Variants in ZCCHC7 observed in about 807,000 individuals in gnomAD.
The protein encoded by ZCCHC7 is zinc finger CCHC domain-containing protein 7.
Under a neutral mutation model 52.0 loss-of-function variants are expected in ZCCHC7, and 35 were observed. The ratio of observed to expected loss-of-function variants is 0.67; its 90% CI spans 0.51 to 0.89. ZCCHC7 has a LOEUF of 0.89. Among genes scored for constraint, ZCCHC7 ranks in the 40% least tolerant of loss-of-function variants. The pLI is 0.00. For synonymous variants in ZCCHC7, 217 were observed against 221.5 expected (o/e 0.98, Z 0.18); for missense variants, 574 against 649.1 (o/e 0.88, Z 1.26).
intron 2 of ZCCHC7, among the ~76,000 whole-genome samples, chr9:37,212,681 G>A: frequency 6.6e-6 from 1 of 152,154 alleles, no homozygotes; most frequent in Admixed American, 6.5e-5. Context: ...CACCTTGTTG[G>A]ATGAATTGCT....
chr9:37,223,000 C>T (rs1824904713), intron 2 of ZCCHC7, among the ~76,000 whole-genome samples: 1 of 151,954 alleles, frequency 6.6e-6, no homozygotes, highest in Non-Finnish European at 1.5e-5. Flanking sequence ...CATTCGTATA[C>T]ATATATATAT....
At chr9:37,125,827 C>T (rs1010803323) in intron 1 of ZCCHC7, among the ~76,000 whole-genome samples, 8 of 152,130 alleles carry the variant, frequency 5.3e-5, no homozygotes, top group African/African-American at 1.4e-4. Context: ...GACTGTGGTC[C>T]CATAGGATTT....
chr9:37,297,447 T>C (rs1828839958), intron 2 of ZCCHC7, among the ~76,000 whole-genome samples: 1 of 152,238 alleles, frequency 6.6e-6, no homozygotes, highest in Admixed American at 6.5e-5. Flanking sequence ...TGCATTTACA[T>C]TCTTAAATCA....
Position 37,354,473 on chromosome 9 carries a change from G to T in ZCCHC7, c.1084-237G>T, listed in dbSNP as rs553553763. ...GAAAAGGCTGAAAAAAGATACGAAG[G>T]GTTTCATAGGTAAAGAAGTAAGGGA... On this transcript the variant is annotated intron_variant, in intron 7 of 8. Coordinates refer to ENST00000336755, the MANE Select transcript of ZCCHC7 (RefSeq NM_032226.3). The surrounding 1 kb of genome is among the most constrained non-coding windows in gnomAD (Gnocchi z 4.0). 1.3e-5 allele frequency among the ~76,000 whole-genome samples: 2 copies of T among 152,120 alleles called. No individual in the cohort carries two copies. The highest frequency in any genetic ancestry group is 2.9e-5 in the Non-Finnish European group (2 of 68,024).
chr9:37,278,034 G>GTGTCTTTTGTTTTGTTTTGTTTTGTTT (rs74182939), intron 2 of ZCCHC7, among the ~76,000 whole-genome samples: 1 of 142,860 alleles, frequency 7.0e-6, no homozygotes, highest in East Asian at 2.0e-4. Flanking sequence ...GTGTGTGTGT[G>GTGTCTTTTGTTTTGTTTTGTTTTGTTT]TGTTTTGTTT....
rs73450424 is a variant in ZCCHC7, at chr9:37,288,460, A to G, written c.611-13728A>G. Among the ~76,000 whole-genome samples the G allele has an allele frequency of 5.3e-3, 800 of 152,118 alleles. 15 individuals are homozygous for G. Among genetic ancestry groups the G allele is most frequent in the African/African-American group, 0.017 (723 of 41,460 alleles). On this transcript the variant is annotated intron_variant, in intron 2 of 8. Coordinates refer to ENST00000336755, the MANE Select transcript of ZCCHC7 (RefSeq NM_032226.3). ...CCAAGTCATGTCTTGCCATAATAGA[A>G]GGTAGAACTTTTAAGGAGATAGGGT...
chr9:37,325,027 G>C (rs759099927), intron 5 of ZCCHC7, among the ~76,000 whole-genome samples: 14 of 152,160 alleles, frequency 9.2e-5, no homozygotes, highest in Non-Finnish European at 1.6e-4. Flanking sequence ...ATTAGCACCT[G>C]ATAAAATTCA....
At chr9:37,235,537 C>T (rs1825607488) in intron 2 of ZCCHC7, among the ~76,000 whole-genome samples, 2 of 78,346 alleles carry the variant, frequency 2.6e-5, no homozygotes, top group East Asian at 5.2e-4. Flanking sequence ...TTCCCCTCCC[C>T]CCTCCCCTCC....
chr9:37,192,622 G>A (rs186865350), intron 2 of ZCCHC7, among the ~76,000 whole-genome samples: 4 of 152,158 alleles, frequency 2.6e-5, no homozygotes, highest in African/African-American at 9.7e-5. Flanking sequence ...TCTTTTTGCT[G>A]TTAATGTGTG....
intron 2 of ZCCHC7, among the ~76,000 whole-genome samples, chr9:37,253,487 T>C (rs1341276779): frequency 6.6e-6 from 1 of 152,092 alleles, no homozygotes; most frequent in East Asian, 1.9e-4. Flanking sequence ...TCTTTATCTA[T>C]GTACATGATA....
chr9:37,323,772 A>G (rs1830138982), intron 5 of ZCCHC7, among the ~76,000 whole-genome samples: 1 of 152,196 alleles, frequency 6.6e-6, no homozygotes. Context: ...TCCTTCTAGG[A>G]GAAATTATAT....
intron 2 of ZCCHC7, among the ~76,000 whole-genome samples, chr9:37,248,041 A>T (rs1826156488): frequency 6.6e-6 from 1 of 152,210 alleles, no homozygotes. Flanking sequence ...TTTATTAGAA[A>T]ACAAAAAAAA....
intron 6 of ZCCHC7, among the ~76,000 whole-genome samples, chr9:37,336,546 T>A (rs2118371413): frequency 6.6e-6 from 1 of 152,186 alleles, no homozygotes; most frequent in Admixed American, 6.5e-5. Flanking sequence ...ATGGTAAAAA[T>A]GAAAATCTTG....
At chr9:37,182,428 G>C (rs147320568) in intron 2 of ZCCHC7, among the ~76,000 whole-genome samples, 1 of 150,752 alleles carries the variant, frequency 6.6e-6, no homozygotes, top group Non-Finnish European at 1.5e-5. Flanking sequence ...TCACCTAGGC[G>C]ATCTTGGCTC....
At chr9:37,346,089 G>A (rs143869443) in intron 6 of ZCCHC7, among the ~76,000 whole-genome samples, 7,744 of 151,940 alleles carry the variant, frequency 0.051, 643 homozygotes, top group African/African-American at 0.17. Flanking sequence ...TGCAACCTCC[G>A]CCTCCCAGGT....
chr9:37,215,527 T>C (rs1256093016), intron 2 of ZCCHC7, among the ~76,000 whole-genome samples: 1 of 152,234 alleles, frequency 6.6e-6, no homozygotes, highest in African/African-American at 2.4e-5. Context: ...CTTAATAGGT[T>C]ATTAAAATTG....
chr9:37,155,364 A>C (rs1024735944), intron 2 of ZCCHC7, among the ~76,000 whole-genome samples: 2 of 152,228 alleles, frequency 1.3e-5, no homozygotes, highest in African/African-American at 4.8e-5. Flanking sequence ...TCAAAAAAAA[A>C]AAACGGCAAT....
intron 2 of ZCCHC7, among the ~76,000 whole-genome samples, chr9:37,164,411 C>T (rs1156496845): frequency 2.0e-5 from 3 of 151,856 alleles, no homozygotes; most frequent in Admixed American, 6.6e-5. Context: ...CACCACTGCA[C>T]TCCAGCCGGG....
intron 2 of ZCCHC7, among the ~76,000 whole-genome samples, chr9:37,259,365 A>T (rs1826752541): frequency 6.6e-6 from 1 of 152,190 alleles, no homozygotes; most frequent in Non-Finnish European, 1.5e-5. Context: ...ATTAATCATG[A>T]CTTTCTGGCT....
Sources: allele counts gnomAD v4.1 joint callset (sites outside exome capture counted in the v4.1 genomes callset), GRCh38; gene constraint gnomAD v4.1.1; non-coding constraint Gnocchi (gnomAD v3.1); transcripts MANE v1.5; gene names NCBI Gene and HGNC (gene_info 2026-07-23, HGNC 2026-07-21).